The following AUTS2 variants were observed in gnomAD, a reference collection of about 807,000 sequenced individuals.
AUTS2 encodes autism susceptibility gene 2 protein.
A neutral mutation model predicts 112.4 loss-of-function variants in AUTS2; 17 were observed. The observed-to-expected ratio is 0.15, with a 90% CI of 0.10 to 0.23. The LOEUF (loss-of-function observed/expected upper bound fraction) is 0.23, where lower values mean the gene tolerates loss of function less well. Ranked by LOEUF, AUTS2 falls within the 10% of genes least tolerant of loss-of-function variation. The pLI is 1.00. For missense variants in AUTS2, 1,510 were observed against 1,701.6 expected (o/e 0.89, Z 1.98); for synonymous variants, 751 against 702.7 (o/e 1.07, Z -1.09).
intron 2 of AUTS2, among the ~76,000 whole-genome samples, chr7:69,994,838 G>C (rs1798878123): frequency 6.6e-6 from 1 of 151,856 alleles, no homozygotes. Context: ...TCTTTTTTCT[G>C]CTTGTGAGAG....
chr7:70,155,671 CTGAGCCCCAAATACTCAACTTTCAAAGCA>C (rs1381108157), intron 4 of AUTS2, among the ~76,000 whole-genome samples: 1 of 152,110 alleles, frequency 6.6e-6, no homozygotes, highest in African/African-American at 2.4e-5. Flanking sequence ...TTTTCAAAGC[CTGAGCCCCAAATACTCAACTTTCAAAGCA>C]TGAGCCCCAA....
intron 2 of AUTS2, among the ~76,000 whole-genome samples, chr7:70,004,285 T>TA (rs1422412722): frequency 0.018 from 2,410 of 133,034 alleles, 77 homozygotes; most frequent in Non-Finnish European, 0.028. Flanking sequence ...GAATGTGTTA[T>TA]ATATGAATAT....
intron 1 of AUTS2, among the ~76,000 whole-genome samples, chr7:69,636,998 C>T (rs1583984956): frequency 1.3e-5 from 2 of 152,206 alleles, no homozygotes; most frequent in Non-Finnish European, 2.9e-5. Flanking sequence ...ATCTCCTGAC[C>T]TCGTGATCCA....
At chr7:70,376,922 C>T (rs1793112216) in intron 4 of AUTS2, among the ~76,000 whole-genome samples, 1 of 151,390 alleles carries the variant, frequency 6.6e-6, no homozygotes, top group South Asian at 2.1e-4. Flanking sequence ...TTGAATGAAA[C>T]CTCAGGTCAC....
At chr7:69,816,885 C>G (rs911783069) in intron 1 of AUTS2, among the ~76,000 whole-genome samples, 1 of 152,132 alleles carries the variant, frequency 6.6e-6, no homozygotes, top group African/African-American at 2.4e-5. Context: ...TTCACTCATT[C>G]GTTCAGCAAG....
chr7:70,454,210 A>C (rs1796642498), intron 5 of AUTS2, among the ~76,000 whole-genome samples: 1 of 152,130 alleles, frequency 6.6e-6, no homozygotes, highest in African/African-American at 2.4e-5. Flanking sequence ...TTTTTGGGGA[A>C]GGTAACGCTG....
intron 4 of AUTS2, among the ~76,000 whole-genome samples, chr7:70,164,736 C>T (rs1808291429): frequency 6.6e-6 from 1 of 152,026 alleles, no homozygotes; most frequent in African/African-American, 2.4e-5. Context: ...CCCATGCTAA[C>T]AGCTTGAAAG....
At chr7:70,659,016 G>A (rs1450084918) in intron 5 of AUTS2, among the ~76,000 whole-genome samples, 1 of 152,168 alleles carries the variant, frequency 6.6e-6, no homozygotes, top group African/African-American at 2.4e-5. Flanking sequence ...TTTAATACCA[G>A]CTTCTTTGTG....
At chr7:70,435,937 A>C (rs762113064) in intron 5 of AUTS2, 156 bp downstream of exon 5, 3 of 689,146 alleles carry the variant, frequency 4.4e-6, no homozygotes, top group Non-Finnish European at 7.3e-6. Flanking sequence ...GACATTTCCT[A>C]TGCTATGACA....
chr7:70,665,558 C>T (rs1171839906), intron 5 of AUTS2, among the ~76,000 whole-genome samples: 1 of 152,098 alleles, frequency 6.6e-6, no homozygotes, highest in Non-Finnish European at 1.5e-5. Flanking sequence ...GCCTCGGCCT[C>T]CCAAAGTATT....
At chr7:70,551,185 G>A (rs746883558) in intron 5 of AUTS2, among the ~76,000 whole-genome samples, 3 of 152,012 alleles carry the variant, frequency 2.0e-5, no homozygotes, top group Non-Finnish European at 4.4e-5. Flanking sequence ...GGAGGAGAAG[G>A]AACAAACCTC....
Position 70,433,966 on chromosome 7 carries a change from C to G in AUTS2, c.661-1786C>G, listed in dbSNP as rs375801737. 2.3e-4 allele frequency among the ~76,000 whole-genome samples: 35 copies of G among 152,274 alleles called. No individual in the cohort carries two copies. In the East Asian group the frequency reaches 5.6e-3, roughly 24 times the overall value. On this transcript the variant is annotated intron_variant, in intron 4 of 18. Coordinates refer to ENST00000342771, the MANE Select transcript of AUTS2 (RefSeq NM_015570.4). ...GAATAAAAGTCCTGAGGCAGGCTGC[C>G]CTGAGATGGGTTCAGTGGTCCAATT...
intron 5 of AUTS2, among the ~76,000 whole-genome samples, chr7:70,660,696 T>G (rs1228616771): frequency 6.6e-6 from 1 of 152,228 alleles, no homozygotes; most frequent in Non-Finnish European, 1.5e-5. Flanking sequence ...CGTCATGTCC[T>G]CACCAGGGGA....
At chr7:69,914,325 G>GCA (rs1191532706) in intron 2 of AUTS2, among the ~76,000 whole-genome samples, 1 of 127,480 alleles carries the variant, frequency 7.8e-6, no homozygotes, top group Non-Finnish European at 1.6e-5. Context: ...ACAAAAAAAA[G>GCA]CACACACACA....
At chr7:69,627,508 A>T (rs1410083850) in intron 1 of AUTS2, among the ~76,000 whole-genome samples, 1 of 152,076 alleles carries the variant, frequency 6.6e-6, no homozygotes, top group Non-Finnish European at 1.5e-5. Context: ...ACCCCAAAAA[A>T]ACAAACAAAA....
At chr7:70,697,696 A>T (rs573415824) in intron 5 of AUTS2, among the ~76,000 whole-genome samples, 2 of 152,304 alleles carry the variant, frequency 1.3e-5, no homozygotes, top group South Asian at 4.2e-4. Flanking sequence ...TAGTGAAAAC[A>T]GCACAAATAT....
At chr7:69,793,324 G>A (rs1789700894) in intron 1 of AUTS2, among the ~76,000 whole-genome samples, 1 of 152,240 alleles carries the variant, frequency 6.6e-6, no homozygotes, top group Non-Finnish European at 1.5e-5. Flanking sequence ...AGCAGTTCAA[G>A]TAAATTCGTC....
intron 4 of AUTS2, among the ~76,000 whole-genome samples, chr7:70,398,669 A>G (rs191651641): frequency 0.011 from 1,653 of 152,278 alleles, 11 homozygotes; most frequent in Admixed American, 0.017. Flanking sequence ...TTATGCCTGC[A>G]AATAAAGACA....
chr7:69,601,932 G>T (rs1368811594), intron 1 of AUTS2, among the ~76,000 whole-genome samples: 3 of 151,688 alleles, frequency 2.0e-5, no homozygotes, highest in Non-Finnish European at 4.4e-5. Flanking sequence ...TCTGCTTTCT[G>T]CATGGTTATC....
Sources: allele counts gnomAD v4.1 joint callset (sites outside exome capture counted in the v4.1 genomes callset), GRCh38; gene constraint gnomAD v4.1.1; transcripts MANE v1.5; gene names NCBI Gene and HGNC (gene_info 2026-07-23, HGNC 2026-07-21).